Variants in LRRIQ1 observed in about 807,000 individuals in gnomAD.
LRRIQ1 encodes leucine-rich repeat- and IQ domain-containing protein 1.
In LRRIQ1, 210 loss-of-function variants were observed where a neutral mutation model predicts 211.9. The observed-to-expected ratio is 0.99, with a 90% confidence interval of 0.89 to 1.11. The LOEUF (loss-of-function observed/expected upper bound fraction) is 1.11. LRRIQ1 is among the 50% of genes most tolerant of loss of function. The probability of loss-of-function intolerance (pLI) is 0.00; values close to 1 mark genes in which losing one functional copy is unlikely to be tolerated. For missense variants in LRRIQ1, 2,136 were observed against 1,939.5 expected, an observed-to-expected ratio of 1.10 and a Z score of -1.90; for synonymous variants, 699 against 650.1, an observed-to-expected ratio of 1.08 and a Z score of -1.14.
In LRRIQ1 at chr12:85,176,252, G is replaced by T. The variant is rs1454109794; in HGVS notation, c.4822+15538G>T. Among the ~76,000 whole-genome samples the T allele has an allele frequency of 2.2e-4, 33 of 151,876 alleles. 1 individual carries two copies. The highest frequency in any genetic ancestry group is 6.2e-4 in the South Asian group (3 of 4,814). ...TTGTAAGTTGGATTCCTAGGTATTT[G>T]ATTCTCTTTGAAGCAATTGTGAATG... On this transcript the variant is annotated intron_variant, in intron 24 of 26. Transcript: ENST00000393217.
intron 23 of LRRIQ1, among the ~76,000 whole-genome samples, chr12:85,160,210 T>A (rs1890791358): frequency 6.6e-6 from 1 of 152,028 alleles, no homozygotes; most frequent in Non-Finnish European, 1.5e-5. Context: ...TTTGAATATA[T>A]GGAGAAAATT....
chr12:85,251,447 T>A (rs1895941420), intron 1 of LRRIQ1, among the ~76,000 whole-genome samples: 1 of 151,864 alleles, frequency 6.6e-6, no homozygotes, highest in Non-Finnish European at 1.5e-5. Context: ...ATATGCCGAT[T>A]TAGGTTTTAA....
At chr12:85,217,634 A>G (rs1017090090) in intron 24 of LRRIQ1, among the ~76,000 whole-genome samples, 62 of 138,472 alleles carry the variant, frequency 4.5e-4, no homozygotes, top group African/African-American at 1.6e-3. Flanking sequence ...ATATGTATAT[A>G]TGTATATATA....
intron 24 of LRRIQ1, among the ~76,000 whole-genome samples, chr12:85,197,913 T>A (rs1893024291): frequency 1.7e-5 from 2 of 120,916 alleles, no homozygotes; most frequent in South Asian, 2.2e-4. Context: ...AAATATATAA[T>A]AAAAATATAT....
At chr12:85,068,537 G>T (rs1882696693) in intron 10 of LRRIQ1, among the ~76,000 whole-genome samples, 2 of 151,802 alleles carry the variant, frequency 1.3e-5, no homozygotes, top group South Asian at 4.1e-4. Context: ...GAGATCCCCA[G>T]ACCATGTAAT....
chr12:85,063,031 C>CCA lies in LRRIQ1; in HGVS notation c.2392-2229_2392-2228dup, dbSNP rs532014041. 2.5e-3 allele frequency among the ~76,000 whole-genome samples: 380 copies of CCA among 151,756 alleles called. 1 individual carries two copies. Among genetic ancestry groups the CCA allele is most frequent in the Non-Finnish European group, 4.2e-3 (282 of 67,838 alleles). On this transcript the variant is annotated intron_variant, in intron 8 of 26. Coordinates refer to ENST00000393217, the MANE Select transcript of LRRIQ1 (RefSeq NM_001079910.2). ...AAACATCTCTGTTCATGTTCTTTGC[C>CCA]CACTTCTTCATGGGGTTATTTGCTT...
chr12:85,066,810 T>G lies in LRRIQ1; in HGVS notation c.2607T>G (p.Asn869Lys), dbSNP rs1882487052. 6.3e-7 allele frequency: 1 copy of G among 1,599,560 alleles called. No homozygotes were observed. Among genetic ancestry groups the G allele is most frequent in the Non-Finnish European group, 8.5e-7 (1 of 1,171,858 alleles). ...AAAATCTCTGTGTTGTTCTTCTTAA[T>G]AAAAATCAACTGACTTCTCTTCATG... ...NLENLCVVLL[N>K]KNQLTSLHGL... Residue 869 changes from asparagine (N) to lysine (K), a missense_variant, in exon 10 of 27, where the codon AAT becomes AAG. Coordinates refer to ENST00000393217, the MANE Select transcript of LRRIQ1 (RefSeq NM_001079910.2).
chr12:85,044,966 C>T (rs1467610922), intron 4 of LRRIQ1, among the ~76,000 whole-genome samples, 157 bp downstream of exon 4: 2 of 151,788 alleles, frequency 1.3e-5, no homozygotes, highest in African/African-American at 4.8e-5. Flanking sequence ...ATGGTTTCTT[C>T]TGGCATATGA....
At chr12:85,118,500 T>G (rs112720107) in intron 15 of LRRIQ1, among the ~76,000 whole-genome samples, 1,300 of 28,558 alleles carry the variant, frequency 0.046, 21 homozygotes, top group African/African-American at 0.36. Context: ...AAAAACTATG[T>G]TTTTTTTTTT....
At chr12:85,126,018 C>G (rs566832048) in intron 17 of LRRIQ1, among the ~76,000 whole-genome samples, 1 of 152,226 alleles carries the variant, frequency 6.6e-6, no homozygotes, top group East Asian at 1.9e-4. Context: ...TGCATGTGCT[C>G]TTATTCTAAA....
At chr12:85,082,292 A>C (rs1417148735) in intron 11 of LRRIQ1, among the ~76,000 whole-genome samples, 2 of 151,784 alleles carry the variant, frequency 1.3e-5, no homozygotes, top group Non-Finnish European at 2.9e-5. Flanking sequence ...TTATTTTTGG[A>C]CTTTTGAGGA....
chr12:85,040,166 T>C (rs953301583), intron 2 of LRRIQ1, among the ~76,000 whole-genome samples: 1 of 151,746 alleles, frequency 6.6e-6, no homozygotes, highest in South Asian at 2.1e-4. Context: ...AATATTTATT[T>C]GAAGTTGGAA....
At chr12:85,067,652 C>G (rs1468674696) in intron 10 of LRRIQ1, among the ~76,000 whole-genome samples, 1 of 151,684 alleles carries the variant, frequency 6.6e-6, no homozygotes, top group Non-Finnish European at 1.5e-5. Context: ...AGTACTGAGA[C>G]TACAGACATG....
In LRRIQ1 at chr12:85,089,606, G is replaced by C. The variant is rs144315140; in HGVS notation, c.2888-8749G>C. Among the ~76,000 whole-genome samples the C allele has an allele frequency of 2.5e-3, 388 of 152,266 alleles. 3 individuals carry two copies. The highest frequency in any genetic ancestry group is 6.4e-3 in the South Asian group (31 of 4,818). ...GTATTCATACCCTAGTGATTGTTGG[G>C]CATTTGGACTTGAAAGTGGTGATTT... On this transcript the variant is annotated intron_variant, in intron 11 of 26. Coordinates refer to ENST00000393217, the MANE Select transcript of LRRIQ1 (RefSeq NM_001079910.2).
At chr12:85,122,661 T>C (rs759013062) in intron 16 of LRRIQ1, among the ~76,000 whole-genome samples, 1 of 152,116 alleles carries the variant, frequency 6.6e-6, no homozygotes, top group Non-Finnish European at 1.5e-5. Context: ...CTTTTATATA[T>C]GCTTGTCCTA....
chr12:85,186,607 C>T (rs1217200348), intron 24 of LRRIQ1, among the ~76,000 whole-genome samples: 1 of 152,080 alleles, frequency 6.6e-6, no homozygotes, highest in African/African-American at 2.4e-5. Flanking sequence ...ATACATCTCT[C>T]CGAGTACTTT....
rs543252026 is a variant in LRRIQ1 at position 85,160,178 on chromosome 12, A to G, written c.4721-435A>G. Among the ~76,000 whole-genome samples the G allele has an allele frequency of 1.7e-4, 26 of 152,160 alleles. 1 individual carries two copies. The South Asian group carries it at 5.2e-3, about 30-fold the overall frequency. ...TCACAATCTATTTTTTGTAATATTA[A>G]TAGATCTTGAATATTCTTGTCTTTG... is the stretch of plus-strand genomic sequence containing the variant. On this transcript the variant is annotated intron_variant, in intron 23 of 26. Transcript: ENST00000393217.
chr12:85,261,554 A>T (rs1340177728), intron 1 of LRRIQ1, among the ~76,000 whole-genome samples: 1 of 147,864 alleles, frequency 6.8e-6, no homozygotes, highest in Non-Finnish European at 1.5e-5. Flanking sequence ...AAAACATTCT[A>T]TTTTTTTTTT....
chr12:85,064,621 C>T (rs187183947), intron 8 of LRRIQ1, among the ~76,000 whole-genome samples: 1 of 151,572 alleles, frequency 6.6e-6, no homozygotes, highest in East Asian at 1.9e-4. Flanking sequence ...AGAGTTTCCC[C>T]AATTAAAAAA....
Sources: gnomAD v4.1 joint callset for allele counts (sites outside exome capture counted in the v4.1 genomes callset) on GRCh38, gnomAD v4.1.1 for gene constraint, MANE v1.5 for transcripts, NCBI Gene and HGNC (gene_info 2026-07-23, HGNC 2026-07-21) for gene names.